Variants in DTNA observed in about 807,000 individuals in gnomAD.
DTNA encodes dystrophin-related protein 3.
Under a neutral mutation model 100.7 loss-of-function variants are expected in DTNA, and 43 were observed. That is an observed-to-expected ratio of 0.43 (90% CI 0.33 to 0.55). The LOEUF is 0.55. Among genes scored for constraint, DTNA ranks in the 20% least tolerant of loss-of-function variants. DTNA has a pLI of 0.04. For missense variants in DTNA, 798 were observed against 953.9 expected (o/e 0.84, Z 2.15); for synonymous variants, 349 against 347.9 (o/e 1.00, Z -0.04).
chr18:34,689,178 G>A (rs1206948247), intron 1 of DTNA, among the ~76,000 whole-genome samples: 1 of 152,032 alleles, frequency 6.6e-6, no homozygotes, highest in Non-Finnish European at 1.5e-5. Context: ...ATCCAGTTTT[G>A]TTCCCTTGCT....
intron 1 of DTNA, among the ~76,000 whole-genome samples, chr18:34,575,752 C>CT (rs1439686669): frequency 6.6e-6 from 1 of 152,160 alleles, no homozygotes; most frequent in Admixed American, 6.5e-5. Flanking sequence ...CTTCAAATGA[C>CT]TGTATTATAG....
At chr18:34,645,328 T>A (rs536592744) in intron 1 of DTNA, among the ~76,000 whole-genome samples, 70 of 149,672 alleles carry the variant, frequency 4.7e-4, no homozygotes, top group African/African-American at 1.7e-3. Context: ...GCAGTGTTAC[T>A]TATTATTAAT....
intron 3 of DTNA, among the ~76,000 whole-genome samples, chr18:34,783,079 A>G (rs2094393157): frequency 6.6e-6 from 1 of 152,236 alleles, no homozygotes; most frequent in Non-Finnish European, 1.5e-5. Context: ...GAATAAAGTT[A>G]AACACTGGCA....
At chr18:34,515,270 C>A (rs752455268) in intron 1 of DTNA, among the ~76,000 whole-genome samples, 4 of 151,906 alleles carry the variant, frequency 2.6e-5, no homozygotes, top group African/African-American at 9.7e-5. Context: ...AAAAAACTCC[C>A]TTAATTTTTG....
intron 1 of DTNA, among the ~76,000 whole-genome samples, chr18:34,598,924 G>A (rs977316122): frequency 3.3e-5 from 5 of 152,194 alleles, no homozygotes; most frequent in African/African-American, 1.2e-4. Flanking sequence ...AAAAGCCTAT[G>A]CTAAGCAAAG....
chr18:34,720,907 T>C (rs2085166880), intron 1 of DTNA, among the ~76,000 whole-genome samples: 1 of 152,232 alleles, frequency 6.6e-6, no homozygotes, highest in Admixed American at 6.5e-5. Flanking sequence ...ATGTTAGTGA[T>C]TCATAGAGTG....
intron 4 of DTNA, among the ~76,000 whole-genome samples, chr18:34,796,204 G>A (rs967400488): frequency 5.9e-5 from 9 of 152,206 alleles, no homozygotes; most frequent in Non-Finnish European, 1.2e-4. Context: ...CTCCTTCAGC[G>A]TAGCAAATGA....
intron 1 of DTNA, among the ~76,000 whole-genome samples, chr18:34,587,496 C>CTA (rs34076043): frequency 0.1 from 15,602 of 151,844 alleles, 1,161 homozygotes; most frequent in African/African-American, 0.21. Flanking sequence ...TGAAAAATAA[C>CTA]TATGTTATCT....
rs1378109268 is a variant in DTNA at position 34,664,055 on chromosome 18, T to C, written c.-1-91921T>C. 4.6e-5 allele frequency among the ~76,000 whole-genome samples: 7 copies of C among 152,272 alleles called. No individual in the cohort carries two copies. In the East Asian group the frequency reaches 1.4e-3, roughly 29 times the overall value. ...TCCATTTTTAAGGAACAATCACTTG[T>C]TGAATTTCACTGTTGTATCAAAGAA... is the stretch of plus-strand genomic sequence containing the variant. On this transcript the variant is annotated intron_variant, in intron 1 of 19. Transcript: ENST00000283365.
intron 3 of DTNA, among the ~76,000 whole-genome samples, chr18:34,769,878 C>T (rs1448319385): frequency 6.6e-6 from 1 of 151,230 alleles, no homozygotes; most frequent in African/African-American, 2.4e-5. Flanking sequence ...TGCACCACCA[C>T]GCCCAGCTAA....
At chr18:34,699,572 C>G (rs1284663980) in intron 1 of DTNA, among the ~76,000 whole-genome samples, 1 of 152,164 alleles carries the variant, frequency 6.6e-6, no homozygotes, top group Non-Finnish European at 1.5e-5. Context: ...ACATAAAATT[C>G]ACTGTCACAC....
intron 1 of DTNA, among the ~76,000 whole-genome samples, chr18:34,601,688 T>C (rs1442909278): frequency 1.3e-5 from 2 of 152,240 alleles, no homozygotes. Flanking sequence ...ATTGCCTGTT[T>C]ACATCTTTTG....
At chr18:34,704,499 T>A (rs1157103059) in intron 1 of DTNA, among the ~76,000 whole-genome samples, 3 of 152,228 alleles carry the variant, frequency 2.0e-5, no homozygotes, top group African/African-American at 7.2e-5. Context: ...TGGGTGATTT[T>A]TCCCCTCCTT....
chr18:34,824,954 T>A (rs1462811059), intron 9 of DTNA, among the ~76,000 whole-genome samples: 35 of 125,484 alleles, frequency 2.8e-4, no homozygotes, highest in African/African-American at 1.1e-3. Flanking sequence ...AAAAAAAAAA[T>A]TAAATCAATA....
At chr18:34,644,794 C>G (rs1336835482) in intron 1 of DTNA, among the ~76,000 whole-genome samples, 3 of 151,992 alleles carry the variant, frequency 2.0e-5, no homozygotes, top group Non-Finnish European at 4.4e-5. Context: ...TGCAGCCTGC[C>G]AGAATGTTGA....
chr18:34,679,067 A>G (rs537422474), intron 1 of DTNA, among the ~76,000 whole-genome samples: 2 of 152,170 alleles, frequency 1.3e-5, no homozygotes, highest in Non-Finnish European at 2.9e-5. Flanking sequence ...AATTATGTCA[A>G]TAAAATATCC....
chr18:34,877,789 T>G lies in DTNA; in HGVS notation c.1974T>G (p.Leu658=), dbSNP rs768435937. Residue 658 remains leucine (L), a synonymous_variant, in exon 19 of 23, where the codon CTT becomes CTG. Transcript: ENST00000444659. The part of the protein sequence containing the change: ...ADSITNTMSS[L]VKELNSEVGS... ...CCATCACTAACACTATGTCCTCTCT[T>G]GTGAAAGAGCTGAATTCTGGTGAGT... is the stretch of plus-strand genomic sequence containing the variant. 6.2e-7 allele frequency: 1 copy of G among 1,613,908 alleles called. No homozygotes were observed. Among genetic ancestry groups the G allele is most frequent in the Non-Finnish European group, 8.5e-7 (1 of 1,179,876 alleles).
At chr18:34,785,973 G>A (rs2094494946) in intron 3 of DTNA, among the ~76,000 whole-genome samples, 1 of 152,188 alleles carries the variant, frequency 6.6e-6, no homozygotes, top group East Asian at 1.9e-4. Flanking sequence ...AGGGTAATGA[G>A]TCTCAGGAAC....
At chr18:34,800,692 C>G (rs908513964) in intron 4 of DTNA, among the ~76,000 whole-genome samples, 4 of 152,176 alleles carry the variant, frequency 2.6e-5, no homozygotes, top group Middle Eastern at 3.2e-3. Flanking sequence ...TTCCTTCTGT[C>G]TGTTTAAGAA....
Sources: gnomAD v4.1 joint callset for allele counts (sites outside exome capture counted in the v4.1 genomes callset) on GRCh38, gnomAD v4.1.1 for gene constraint, MANE v1.5 for transcripts, NCBI Gene and HGNC (gene_info 2026-07-23, HGNC 2026-07-21) for gene names.